ADAMTSL1: variants seen among roughly 807,000 people sequenced by gnomAD.
The protein encoded by ADAMTSL1 is ADAMTS like 1.
ADAMTSL1 carries 126 observed loss-of-function variants against 201.8 expected under a neutral mutation model. The ratio of observed to expected loss-of-function variants is 0.62; its 90% confidence interval spans 0.54 to 0.72. The LOEUF (loss-of-function observed/expected upper bound fraction) is 0.72. Among genes scored for constraint, ADAMTSL1 ranks in the 30% least tolerant of loss-of-function variants. ADAMTSL1 has a pLI of 0.00. For missense variants in ADAMTSL1, 2,679 were observed against 2,277.8 expected, an observed-to-expected ratio of 1.18 and a Z score of -3.59; for synonymous variants, 1,121 against 903.4, an observed-to-expected ratio of 1.24 and a Z score of -4.32.
At chr9:18,707,393 T>G (rs1832292289) in intron 14 of ADAMTSL1, among the ~76,000 whole-genome samples, 1 of 152,252 alleles carries the variant, frequency 6.6e-6, no homozygotes, top group African/African-American at 2.4e-5. Context: ...ATCTCTGCCC[T>G]TGCCTCAGTG....
intron 1 of ADAMTSL1, among the ~76,000 whole-genome samples, chr9:17,988,354 C>G (rs1437779476): frequency 6.6e-6 from 1 of 151,932 alleles, no homozygotes; most frequent in African/African-American, 2.4e-5. Flanking sequence ...TTTCAAATAC[C>G]TACCTCAATA....
rs145432916 is a variant in ADAMTSL1, at chr9:18,458,937, A to G, written c.208-45892A>G. On this transcript the variant is annotated intron_variant, in intron 2 of 29. Coordinates refer to the ADAMTSL1 transcript ENST00000680146. ...CCTGTTCCCTTATCAACAGTATTTT[A>G]AAAAACAGTATTTGCTGCCATAAGC... Among the ~76,000 whole-genome samples the G allele has an allele frequency of 1.8e-3, 273 of 152,328 alleles. 2 individuals carry two copies. The highest frequency in any genetic ancestry group is 6.8e-3 in the Middle Eastern group (2 of 294).
At chr9:18,423,067 T>C (rs1276540755) in intron 2 of ADAMTSL1, among the ~76,000 whole-genome samples, 6 of 152,200 alleles carry the variant, frequency 3.9e-5, no homozygotes, top group Non-Finnish European at 4.4e-5. Flanking sequence ...ATTTCTTTAA[T>C]TTCTTTCCCC....
In ADAMTSL1 at chr9:18,777,488, C is replaced by T; in HGVS notation, c.3259C>T (p.Gln1087Ter). 2.5e-6 allele frequency: 4 copies of T among 1,594,200 alleles called. No individual in the cohort carries two copies. Among genetic ancestry groups the T allele is most frequent in the Non-Finnish European group, 2.6e-6 (3 of 1,170,808 alleles). The change falls in exon 19 of 29, where the codon CAG becomes TAG. Residue 1087 changes from glutamine (Q) to a stop codon, truncating the protein, a stop_gained. Transcript: ENST00000380548. LOFTEE classifies it high-confidence loss of function. The stretch of plus-strand genomic sequence containing the variant: ...GGACGACATCCTGGGGAACCTCTCC[C>T]AGCAGCCCGAGGAGCTGCGCGACCT... ...RLDDILGNLS[Q>*]QPEELRDLYS...
At chr9:18,179,804 C>T (rs201393799) in intron 2 of ADAMTSL1, among the ~76,000 whole-genome samples, 1 of 151,246 alleles carries the variant, frequency 6.6e-6, no homozygotes, top group Admixed American at 6.6e-5. Flanking sequence ...GAAATAAAAT[C>T]CTTTACAGAC....
At chr9:18,407,407 A>C (rs1818252466) in intron 2 of ADAMTSL1, among the ~76,000 whole-genome samples, 1 of 152,264 alleles carries the variant, frequency 6.6e-6, no homozygotes, top group Non-Finnish European at 1.5e-5. Flanking sequence ...GGGAATTCTC[A>C]TCATAGAAGA....
At chr9:18,841,952 C>A (rs532102467) in intron 23 of ADAMTSL1, among the ~76,000 whole-genome samples, 1 of 151,650 alleles carries the variant, frequency 6.6e-6, no homozygotes, top group East Asian at 1.9e-4. Context: ...GTCTTGCTAG[C>A]GGTCTATCAA....
intron 4 of ADAMTSL1, among the ~76,000 whole-genome samples, chr9:18,589,012 G>A (rs1262010614): frequency 1.3e-5 from 2 of 149,830 alleles, no homozygotes; most frequent in Non-Finnish European, 3.0e-5. Flanking sequence ...TAGTATCTGG[G>A]ATTACAGGTG....
Position 18,584,644 on chromosome 9 carries a change from A to T in ADAMTSL1, c.474+10378A>T, listed in dbSNP as rs185344860. On this transcript the variant is annotated intron_variant, in intron 4 of 28. Coordinates refer to ENST00000380548, the MANE Select transcript of ADAMTSL1 (RefSeq NM_001040272.6). ...TCTATGATAATTAATTTTAGGTGTC[A>T]ACTTGACCAGATTTAGGGATGCCTA... 7.5e-3 allele frequency among the ~76,000 whole-genome samples: 1,139 copies of T among 152,278 alleles called. 13 individuals are homozygous for T. Among genetic ancestry groups the T allele is most frequent in the African/African-American group, 0.026 (1,094 of 41,554 alleles).
At chr9:18,384,067 T>C (rs1440316821) in intron 2 of ADAMTSL1, among the ~76,000 whole-genome samples, 2 of 152,154 alleles carry the variant, frequency 1.3e-5, no homozygotes, top group African/African-American at 4.8e-5. Flanking sequence ...CTCACACTGC[T>C]ATAAAGACAT....
intron 1 of ADAMTSL1, among the ~76,000 whole-genome samples, chr9:18,038,379 C>T (rs577287740): frequency 9.2e-5 from 14 of 152,218 alleles, no homozygotes; most frequent in African/African-American, 3.4e-4. Flanking sequence ...CTATTCCTGC[C>T]AGCAAGTCAA....
intron 2 of ADAMTSL1, among the ~76,000 whole-genome samples, chr9:18,175,918 G>A (rs1828126317): frequency 6.7e-6 from 1 of 149,484 alleles, no homozygotes; most frequent in Non-Finnish European, 1.5e-5. Flanking sequence ...AGACCAAGAA[G>A]GGAATTTTAG....
intron 1 of ADAMTSL1, among the ~76,000 whole-genome samples, chr9:18,083,710 G>T (rs1823616111): frequency 6.6e-6 from 1 of 152,168 alleles, no homozygotes. Context: ...TCAGAGTTAT[G>T]TGGACAACCT....
intron 2 of ADAMTSL1, among the ~76,000 whole-genome samples, chr9:18,271,608 G>C (rs10963547): frequency 0.45 from 67,742 of 151,908 alleles, 16,000 homozygotes; most frequent in South Asian, 0.54. Flanking sequence ...CAAGTCTTTG[G>C]TATTGTGAAT....
chr9:18,239,459 C>T (rs994132021), intron 2 of ADAMTSL1, among the ~76,000 whole-genome samples: 3 of 152,144 alleles, frequency 2.0e-5, no homozygotes, highest in Non-Finnish European at 4.4e-5. Context: ...CACTATCTGG[C>T]TGGGCACCAT....
chr9:18,430,423 T>C (rs1294901568), intron 2 of ADAMTSL1, among the ~76,000 whole-genome samples: 1 of 152,214 alleles, frequency 6.6e-6, no homozygotes. Context: ...TCCAGAAGAA[T>C]GTATCAATAA....
intron 1 of ADAMTSL1, among the ~76,000 whole-genome samples, chr9:17,909,250 A>T (rs1286302858): frequency 6.9e-6 from 1 of 145,594 alleles, no homozygotes; most frequent in African/African-American, 2.5e-5. Context: ...GGTTGCAAAA[A>T]TTTTCTCCCA....
At chr9:18,402,621 T>C (rs1818026890) in intron 2 of ADAMTSL1, among the ~76,000 whole-genome samples, 1 of 152,206 alleles carries the variant, frequency 6.6e-6, no homozygotes, top group African/African-American at 2.4e-5. Context: ...TCTTGCCCTC[T>C]GTTTCCAGCC....
intron 9 of ADAMTSL1, among the ~76,000 whole-genome samples, chr9:18,666,996 G>A (rs1343421536): frequency 6.7e-6 from 1 of 149,810 alleles, no homozygotes; most frequent in Non-Finnish European, 1.5e-5. Flanking sequence ...TCTCTCCAAG[G>A]CAGTAATGAA....
Sources: allele counts gnomAD v4.1 joint callset (sites outside exome capture counted in the v4.1 genomes callset), GRCh38; gene constraint gnomAD v4.1.1; transcripts MANE v1.5; gene names NCBI Gene and HGNC (gene_info 2026-07-23, HGNC 2026-07-21).